The following RIF1 variants were observed in gnomAD, a reference collection of about 807,000 sequenced individuals.
RIF1 encodes replication timing regulatory factor 1, also known as telomere-associated protein RIF1.
In RIF1, 45 loss-of-function variants were observed where a neutral mutation model predicts 247.1. That is an observed-to-expected ratio of 0.18 (90% CI 0.14 to 0.23). The LOEUF (loss-of-function observed/expected upper bound fraction) is 0.23. Among genes scored for constraint, RIF1 ranks in the 10% least tolerant of loss-of-function variants. The pLI is 1.00. For missense variants in RIF1, 2,967 were observed against 2,862.5 expected (o/e 1.04, Z -0.83); for synonymous variants, 1,087 against 978.8 (o/e 1.11, Z -2.06).
intron 19 of RIF1, 115 bp downstream of exon 19, chr2:151,445,560 T>G: frequency 1.5e-6 from 1 of 680,816 alleles, no homozygotes; most frequent in Non-Finnish European, 2.5e-6. Flanking sequence ...TTTTCTCTTT[T>G]TTTTTTGAGA....
At chr2:151,513,261 G>A in the RIF1 span, among the ~76,000 whole-genome samples, 4 of 152,174 alleles carry the variant, frequency 2.6e-5, no homozygotes, top group African/African-American at 9.6e-5. Flanking sequence ...GGAATTCCTG[G>A]CATCAAATGA....
intron 9 of RIF1, among the ~76,000 whole-genome samples, chr2:151,429,237 G>A (rs1689628218): frequency 6.6e-6 from 1 of 152,136 alleles, no homozygotes; most frequent in African/African-American, 2.4e-5. Flanking sequence ...CTGGAGTGCA[G>A]TGATGGGATC....
Position 151,465,515 on chromosome 2 carries a change from C to G in RIF1, c.5995C>G (p.Leu1999Val). Residue 1999 changes from leucine (L) to valine (V), a missense_variant, in exon 30 of 36, where the codon CTA becomes GTA. Leu to Val is a conservative substitution (Grantham distance 32, BLOSUM62 1). This residue lies in a region of RIF1 where 2,028 missense variants were observed against 1,825.6 expected (regional missense o/e 1.11). Coordinates refer to ENST00000444746, the MANE Select transcript of RIF1 (RefSeq NM_018151.5). ...EISEQTAAGE[L>V]DGGNDVSDLH... is the part of the protein sequence containing the mutation. The stretch of plus-strand genomic sequence containing the variant: ...TTCTGAACAAACAGCAGCTGGGGAA[C>G]TAGATGGAGGAAATGATGTATCTGA... 6.2e-7 allele frequency: 1 copy of G among 1,606,054 alleles called. No homozygotes were observed. Among genetic ancestry groups the G allele is most frequent in the Non-Finnish European group, 8.5e-7 (1 of 1,176,576 alleles).
intron 21 of RIF1, among the ~76,000 whole-genome samples, chr2:151,452,096 T>C (rs1694401949): frequency 6.6e-6 from 1 of 152,222 alleles, no homozygotes; most frequent in Admixed American, 6.5e-5. Flanking sequence ...AAAATAGTCA[T>C]TGAATTGACA....
intron 9 of RIF1, chr2:151,490,550 A>G: frequency 6.2e-7 from 1 of 1,600,966 alleles, no homozygotes; most frequent in Non-Finnish European, 8.5e-7. Context: ...GAGATGTAGC[A>G]AACATGAAAT....
At chr2:151,420,792 T>C (rs918976783) in intron 7 of RIF1, among the ~76,000 whole-genome samples, 2 of 150,598 alleles carry the variant, frequency 1.3e-5, no homozygotes, top group African/African-American at 2.4e-5. Context: ...CACTATGATA[T>C]AGGATTTTAG....
the RIF1 span, chr2:151,534,407 A>G: frequency 9.1e-7 from 1 of 1,098,384 alleles, no homozygotes; most frequent in East Asian, 2.4e-5. Flanking sequence ...AGAGGGCCAG[A>G]ACATGTCATC....
intron 22 of RIF1, 96 bp downstream of exon 22, chr2:151,455,255 A>G: frequency 2.4e-6 from 2 of 836,686 alleles, no homozygotes; most frequent in Non-Finnish European, 3.6e-6. Context: ...TGTAGATGGT[A>G]GTCTTGACAA....
chr2:151,490,656 C>T, intron 9 of RIF1: 2 of 1,039,654 alleles, frequency 1.9e-6, no homozygotes, highest in Non-Finnish European at 2.8e-6. Flanking sequence ...CAAACCCTCA[C>T]AGTTATTCTG....
chr2:151,442,249 A>G (rs1411456705), intron 16 of RIF1, among the ~76,000 whole-genome samples: 1 of 151,246 alleles, frequency 6.6e-6, no homozygotes, highest in East Asian at 1.9e-4. Context: ...CTAATTTTGT[A>G]TTTTTATAGA....
chr2:151,474,133 T>C lies in RIF1; in HGVS notation c.7204+61T>C, dbSNP rs11900635. On this transcript the variant is annotated intron_variant, in intron 35 of 35. Transcript: ENST00000444746. ...AAGATCAGCTGACTTTCTTGAAATA[T>C]GTTATTTTTTTTAGTCTGATTTGAC... is the stretch of plus-strand genomic sequence containing the variant. 4.2e-3 allele frequency: 3,445 copies of C among 819,814 alleles called. 98 individuals carry two copies. The African/African-American group carries it at 0.052, about 12-fold the overall frequency. The allele number at this position is 819,814 out of a possible 1,614,324, so 50.8% of individuals were successfully genotyped here. A position where few individuals can be genotyped will look rare whatever the true frequency, so the allele number is the denominator to read the frequency against.
intron 9 of RIF1, among the ~76,000 whole-genome samples, chr2:151,494,567 G>GAGTT (rs1413898081): frequency 1.3e-5 from 2 of 152,110 alleles, no homozygotes; most frequent in East Asian, 3.8e-4. Context: ...ATCCAAACAG[G>GAGTT]AGTTACAGGC....
At chr2:151,449,336 G>A (rs543941893) in intron 20 of RIF1, among the ~76,000 whole-genome samples, 1 of 152,156 alleles carries the variant, frequency 6.6e-6, no homozygotes, top group Non-Finnish European at 1.5e-5. Context: ...TTGTATTATG[G>A]CAATAGTGAC....
chr2:151,474,120 C>G lies in RIF1; in HGVS notation c.7204+48C>G, dbSNP rs745642720. On this transcript the variant is annotated intron_variant, in intron 35 of 35. Coordinates refer to ENST00000444746, the MANE Select transcript of RIF1 (RefSeq NM_018151.5). ...TAATTTTATTTAGAAGATCAGCTGA[C>G]TTTCTTGAAATATGTTATTTTTTTT... 1.3e-5 allele frequency: 11 copies of G among 875,964 alleles called. No homozygotes were observed. In the East Asian group the frequency reaches 2.7e-4, roughly 22 times the overall value. The allele number at this position is 875,964 out of a possible 1,614,324, so 54.3% of individuals were successfully genotyped here. A position where few individuals can be genotyped will look rare whatever the true frequency, so the allele number is the denominator to read the frequency against.
chr2:151,412,806 A>ATC (rs2152077556), intron 3 of RIF1, among the ~76,000 whole-genome samples: 1 of 152,076 alleles, frequency 6.6e-6, no homozygotes, highest in East Asian at 1.9e-4. Flanking sequence ...CAAGTGTTTC[A>ATC]TCCAGACATG....
At chr2:151,413,129 C>T (rs1298443399) in intron 3 of RIF1, among the ~76,000 whole-genome samples, 3 of 151,638 alleles carry the variant, frequency 2.0e-5, no homozygotes, top group Non-Finnish European at 2.9e-5. Context: ...TGGGTTCAAG[C>T]CGTTCTCCTG....
downstream of RIF1, chr2:151,485,578 A>G (rs993428307): frequency 6.4e-6 from 3 of 472,356 alleles, no homozygotes; most frequent in African/African-American, 5.8e-5. Flanking sequence ...AGAAGCTTTT[A>G]AAGTGTCTGT....
At chr2:151,533,398 A>C in the RIF1 span, 1 of 1,333,368 alleles carries the variant, frequency 7.5e-7, no homozygotes, top group East Asian at 2.5e-5. Flanking sequence ...AATGCATCCA[A>C]GACTTCTTCT....
the RIF1 span, chr2:151,529,165 G>T: frequency 3.9e-6 from 5 of 1,296,100 alleles, no homozygotes; most frequent in Non-Finnish European, 4.5e-6. Flanking sequence ...TCCTACAGAA[G>T]CTGGTAAATC....
Sources: gnomAD v4.1 joint callset for allele counts (sites outside exome capture counted in the v4.1 genomes callset) on GRCh38, gnomAD v4.1.1 for gene constraint, gnomAD v4.1.1 regional missense constraint, MANE v1.5 for transcripts, NCBI Gene and HGNC (gene_info 2026-07-23, HGNC 2026-07-21) for gene names.